SLC22A24: variants seen among roughly 807,000 people sequenced by gnomAD.
SLC22A24 encodes the protein steroid transmembrane transporter SLC22A24.
SLC22A24 carries 53 observed loss-of-function variants against 49.8 expected under a neutral mutation model. The observed-to-expected ratio is 1.06, with a 90% confidence interval of 0.85 to 1.34. SLC22A24 has a LOEUF of 1.34. Among genes scored for constraint, SLC22A24 ranks in the 40% most tolerant of loss-of-function variants. The pLI is 0.00. For missense variants in SLC22A24, 786 were observed against 675.9 expected (o/e 1.16, Z -1.81); for synonymous variants, 302 against 256.4 (o/e 1.18, Z -1.70).
At chr11:63,132,939 A>ACGGAG (rs2087347429) in intron 2 of SLC22A24, among the ~76,000 whole-genome samples, 1 of 152,200 alleles carries the variant, frequency 6.6e-6, no homozygotes, top group Non-Finnish European at 1.5e-5. Context: ...AGTAGTCCTT[A>ACGGAG]CGGAGCTACG....
chr11:63,082,250 A>G (rs2086964336), intron 7 of SLC22A24, among the ~76,000 whole-genome samples: 1 of 152,210 alleles, frequency 6.6e-6, no homozygotes, highest in Non-Finnish European at 1.5e-5. Flanking sequence ...GCTCTGAATA[A>G]TTCAGGATTG....
chr11:63,116,659 A>G (rs2087215163), intron 4 of SLC22A24, among the ~76,000 whole-genome samples: 1 of 152,118 alleles, frequency 6.6e-6, no homozygotes, highest in African/African-American at 2.4e-5. Flanking sequence ...TTTATTAGCC[A>G]TTATTTTTAA....
At chr11:63,115,459 G>A (rs1465139102) in intron 4 of SLC22A24, among the ~76,000 whole-genome samples, 1 of 152,142 alleles carries the variant, frequency 6.6e-6, no homozygotes, top group Non-Finnish European at 1.5e-5. Context: ...ATTTTTCCAG[G>A]TACAGTCTGT....
intron 3 of SLC22A24, 28 bp downstream of exon 3, chr11:63,119,153 T>A: frequency 6.5e-7 from 1 of 1,529,380 alleles, no homozygotes; most frequent in South Asian, 1.2e-5. Flanking sequence ...GACATGGAGA[T>A]GATAAAATGC....
chr11:63,100,923 A>G (rs1442849675), intron 5 of SLC22A24, among the ~76,000 whole-genome samples: 1 of 152,172 alleles, frequency 6.6e-6, no homozygotes, highest in Non-Finnish European at 1.5e-5. Flanking sequence ...TACATCTAAG[A>G]TTGCAAACTA....
intron 4 of SLC22A24, among the ~76,000 whole-genome samples, chr11:63,108,329 G>A (rs946737038): frequency 8.5e-5 from 13 of 152,204 alleles, no homozygotes; most frequent in Admixed American, 2.6e-4. Context: ...TGCTGGATTC[G>A]TTTTGCCAGT....
intron 1 of SLC22A24, chr11:63,137,804 T>A (rs2087386324): frequency 1.3e-5 from 2 of 152,132 alleles, no homozygotes; most frequent in African/African-American, 2.4e-5. Flanking sequence ...GTGAGCAGGA[T>A]CATCAGAAGC....
At chr11:63,128,732 C>T (rs1041534867) in intron 2 of SLC22A24, among the ~76,000 whole-genome samples, 1 of 152,136 alleles carries the variant, frequency 6.6e-6, no homozygotes, top group African/African-American at 2.4e-5. Flanking sequence ...GACACATGAC[C>T]CATGTGACCT....
chr11:63,112,252 G>C (rs142998452), intron 4 of SLC22A24, among the ~76,000 whole-genome samples: 2 of 152,236 alleles, frequency 1.3e-5, no homozygotes, highest in African/African-American at 4.8e-5. Context: ...CATTTGCTGA[G>C]GAGAGCTTTA....
rs2087177618 is a variant in SLC22A24, at chr11:63,112,995, A to T, written c.830+5917T>A. On this transcript the variant is annotated intron_variant, in intron 4 of 9. Transcript: ENST00000612278. ...GTGCCACTGGACTCCAGCCTGTGTG[A>T]CAGCAGACTCTGTCTCAAAAAAAAA... Among the ~76,000 whole-genome samples, 2 of 3,078 alleles carry T rather than the reference A, an allele frequency of 6.5e-4. 1 individual carries two copies. Among genetic ancestry groups the T allele is most frequent in the Non-Finnish European group, 2.3e-3 (2 of 874 alleles). 2.0% of individuals were successfully genotyped at this position (3,078 alleles called of 152,430 possible). A position where few individuals can be genotyped will look rare whatever the true frequency, so the allele number is the denominator to read the frequency against.
intron 2 of SLC22A24, among the ~76,000 whole-genome samples, chr11:63,120,340 T>G (rs1035388859): frequency 6.9e-6 from 1 of 145,410 alleles, no homozygotes; most frequent in Non-Finnish European, 1.5e-5. Flanking sequence ...CATTGGGAGA[T>G]ATACCTAATG....
intron 2 of SLC22A24, among the ~76,000 whole-genome samples, chr11:63,128,810 C>T (rs531219083): frequency 5.8e-4 from 89 of 152,234 alleles, no homozygotes; most frequent in African/African-American, 1.8e-3. Flanking sequence ...TAAATAACAG[C>T]GCAGCCTGGC....
In SLC22A24 at chr11:63,143,685, A is replaced by C; in HGVS notation, c.95T>G (p.Phe32Cys). ...GAAGTTCTCCAACACAATATTAGGG[A>C]ACAGTAGGATGTTGGTGATGCAAAA... Reference protein sequence around the residue: ...AFFCITNILLFPNIVLENFTA... With the variant: ...AFFCITNILLCPNIVLENFTA... The change falls in exon 1 of 10, where the codon TTC (phenylalanine) becomes TGC (cysteine). Residue 32 changes from phenylalanine to cysteine, a missense_variant. Transcript: ENST00000612278. The C allele has an allele frequency of 6.3e-7, 1 of 1,587,136 alleles. No individual in the cohort carries two copies. Among genetic ancestry groups the C allele is most frequent in the Non-Finnish European group, 8.6e-7 (1 of 1,167,892 alleles).
rs527869254 is a variant in SLC22A24, at chr11:63,115,647, C to T, written c.830+3265G>A. Among the ~76,000 whole-genome samples, 68 of 152,296 alleles carry T rather than the reference C, an allele frequency of 4.5e-4. 1 individual carries two copies. Among genetic ancestry groups the T allele is most frequent in the Non-Finnish European group, 2.5e-4 (17 of 68,040 alleles). ...TGCAGAAATCACCCATCTTCTGCAT[C>T]GATCACACTGGGATCTGCAGACCAG... On this transcript the variant is annotated intron_variant, in intron 4 of 9. Coordinates refer to ENST00000612278, the MANE Select transcript of SLC22A24 (RefSeq NM_001136506.2).
At chr11:63,089,140 G>A (rs2087004013) in intron 6 of SLC22A24, among the ~76,000 whole-genome samples, 1 of 152,082 alleles carries the variant, frequency 6.6e-6, no homozygotes, top group South Asian at 2.1e-4. Flanking sequence ...CTCCAAGATT[G>A]AAACAAAGGA....
chr11:63,127,578 A>C (rs1421161235), intron 2 of SLC22A24, among the ~76,000 whole-genome samples: 2 of 152,184 alleles, frequency 1.3e-5, no homozygotes, highest in East Asian at 3.9e-4. Flanking sequence ...TGGTTGAATT[A>C]ACTTACACTC....
intron 1 of SLC22A24, among the ~76,000 whole-genome samples, chr11:63,137,224 C>T (rs2087381767): frequency 6.6e-6 from 1 of 152,100 alleles, no homozygotes; most frequent in African/African-American, 2.4e-5. Context: ...AGGAAGATTT[C>T]AAGGAGGTTT....
chr11:63,128,226 A>G (rs1320475188), intron 2 of SLC22A24, among the ~76,000 whole-genome samples: 1 of 152,150 alleles, frequency 6.6e-6, no homozygotes, highest in Non-Finnish European at 1.5e-5. Context: ...GGTCACGGTG[A>G]GAAGTGACCA....
intron 4 of SLC22A24, among the ~76,000 whole-genome samples, chr11:63,105,398 A>C (rs1209666204): frequency 7.4e-6 from 1 of 135,152 alleles, no homozygotes; most frequent in Non-Finnish European, 1.6e-5. Flanking sequence ...AGAGGTTTTC[A>C]TGAGGGTCCT....
Sources: allele counts gnomAD v4.1 joint callset (sites outside exome capture counted in the v4.1 genomes callset), GRCh38; gene constraint gnomAD v4.1.1; transcripts MANE v1.5; gene names NCBI Gene and HGNC (gene_info 2026-07-23, HGNC 2026-07-21).